GRIK1: variants seen among roughly 807,000 people sequenced by gnomAD.
The protein encoded by GRIK1 is glutamate receptor ionotropic, kainate 1.
A neutral mutation model predicts 105.7 loss-of-function variants in GRIK1; 69 were observed. The ratio of observed to expected loss-of-function variants is 0.65; its 90% confidence interval spans 0.54 to 0.80. The LOEUF (loss-of-function observed/expected upper bound fraction) is 0.80. GRIK1 is among the 30% of genes least tolerant of loss of function. The pLI is 0.00. For synonymous variants in GRIK1, 438 were observed against 431.3 expected, an observed-to-expected ratio of 1.02 and a Z score of -0.19; for missense variants, 1,109 against 1,167.3, an observed-to-expected ratio of 0.95 and a Z score of 0.73.
chr21:29,563,826 T>C (rs2090544733), intron 14 of GRIK1, among the ~76,000 whole-genome samples: 1 of 152,186 alleles, frequency 6.6e-6, no homozygotes, highest in South Asian at 2.1e-4. Flanking sequence ...GAAGTTTTAG[T>C]ACGGAAGGCT....
chr21:29,594,546 C>T (rs1344582851), intron 9 of GRIK1, among the ~76,000 whole-genome samples: 2 of 152,204 alleles, frequency 1.3e-5, no homozygotes, highest in Admixed American at 6.5e-5. Context: ...ATCTAAATTA[C>T]CTGGCCCTGA....
intron 1 of GRIK1, among the ~76,000 whole-genome samples, chr21:29,775,997 T>C (rs1032798970): frequency 2.0e-5 from 3 of 152,162 alleles, no homozygotes; most frequent in African/African-American, 7.2e-5. Flanking sequence ...CCTACAATCA[T>C]GGCGGAAGGT....
intron 4 of GRIK1, among the ~76,000 whole-genome samples, chr21:29,656,245 C>G (rs980668343): frequency 1.3e-5 from 2 of 150,222 alleles, no homozygotes; most frequent in African/African-American, 4.9e-5. Context: ...GCCTGTAATC[C>G]CAGCTACTCA....
chr21:29,588,785 C>T, intron 11 of GRIK1, 54 bp downstream of exon 11: 11 of 945,530 alleles, frequency 1.2e-5, no homozygotes, highest in Middle Eastern at 2.2e-4. Flanking sequence ...ATTTTTTCCT[C>T]TCTTACTTTC....
At chr21:29,863,922 G>T (rs769856049) in intron 1 of GRIK1, among the ~76,000 whole-genome samples, 4 of 151,906 alleles carry the variant, frequency 2.6e-5, no homozygotes, top group African/African-American at 4.8e-5. Context: ...TATTAGTTCG[G>T]TTTTTTCCCT....
chr21:29,747,153 A>G (rs1016016166), intron 1 of GRIK1, among the ~76,000 whole-genome samples: 5 of 152,252 alleles, frequency 3.3e-5, no homozygotes, highest in African/African-American at 1.2e-4. Context: ...AAATAGACAA[A>G]AGAGCTCCCA....
At chr21:29,667,518 A>G (rs1478432995) in intron 4 of GRIK1, among the ~76,000 whole-genome samples, 1 of 152,248 alleles carries the variant, frequency 6.6e-6, no homozygotes, top group East Asian at 1.9e-4. Context: ...AATGCAATAT[A>G]GCTGTACAAA....
chr21:29,578,133 T>C (rs2090939115), intron 13 of GRIK1, among the ~76,000 whole-genome samples: 1 of 152,240 alleles, frequency 6.6e-6, no homozygotes, highest in Non-Finnish European at 1.5e-5. Flanking sequence ...GTTGTACTGA[T>C]TCACAAGTGG....
intron 9 of GRIK1, among the ~76,000 whole-genome samples, chr21:29,591,670 G>T (rs1229644133): frequency 6.6e-6 from 1 of 152,132 alleles, no homozygotes; most frequent in Admixed American, 6.5e-5. Context: ...ACCTTAGGCT[G>T]CCAAAGTAGT....
At chr21:29,587,698 C>CA in intron 11 of GRIK1, 109 bp from the exon 12 acceptor site, 2 of 639,068 alleles carry the variant, frequency 3.1e-6, no homozygotes, top group African/African-American at 3.8e-5. Context: ...GCTTCTCATT[C>CA]ATGAAGCTCC....
At chr21:29,808,780 C>T (rs1048346473) in intron 1 of GRIK1, among the ~76,000 whole-genome samples, 4 of 152,126 alleles carry the variant, frequency 2.6e-5, no homozygotes, top group Non-Finnish European at 5.9e-5. Flanking sequence ...CCTTCCAATG[C>T]CCCCTGCAGT....
In GRIK1 at chr21:29,751,552, G is replaced by A. The variant is rs549959600; in HGVS notation, c.119-57489C>T. Among the ~76,000 whole-genome samples, 6 of 152,302 alleles carry A rather than the reference G, an allele frequency of 3.9e-5. 1 individual carries two copies. The highest frequency in any genetic ancestry group is 1.4e-4 in the African/African-American group (6 of 41,568). The stretch of plus-strand genomic sequence containing the variant: ...ATGGGGAGTGAGCGTGTGTTATTAT[G>A]GAGCCATCTCTTAATGATGTAGTCC... On this transcript the variant is annotated intron_variant, in intron 1 of 17. Transcript: ENST00000327783.
At chr21:29,883,486 T>C (rs1335398440) in intron 1 of GRIK1, among the ~76,000 whole-genome samples, 1 of 152,056 alleles carries the variant, frequency 6.6e-6, no homozygotes, top group Non-Finnish European at 1.5e-5. Context: ...GTTCTTAATA[T>C]CAGCCTCTGA....
intron 1 of GRIK1, among the ~76,000 whole-genome samples, chr21:29,787,976 A>G (rs879421730): frequency 6.6e-6 from 1 of 152,198 alleles, no homozygotes; most frequent in Non-Finnish European, 1.5e-5. Context: ...CTTTGTACGA[A>G]GTTTCTCAAT....
intron 1 of GRIK1, among the ~76,000 whole-genome samples, chr21:29,806,942 G>A (rs2066878325): frequency 6.6e-6 from 1 of 152,162 alleles, no homozygotes; most frequent in African/African-American, 2.4e-5. Flanking sequence ...GAAAGCAAAT[G>A]TGTTTTAATA....
intron 1 of GRIK1, among the ~76,000 whole-genome samples, chr21:29,885,733 G>A (rs2069600382): frequency 6.6e-6 from 1 of 152,096 alleles, no homozygotes; most frequent in Non-Finnish European, 1.5e-5. Flanking sequence ...GCCATCTCAT[G>A]TTAAGCAATA....
At chr21:29,636,131 A>G (rs374666906) in intron 7 of GRIK1, among the ~76,000 whole-genome samples, 16 of 152,284 alleles carry the variant, frequency 1.1e-4, no homozygotes, top group South Asian at 4.1e-4. Flanking sequence ...GTAAACAGGG[A>G]AAGGAGAAAG....
At chr21:29,731,440 C>G (rs556629667) in intron 1 of GRIK1, among the ~76,000 whole-genome samples, 2 of 152,312 alleles carry the variant, frequency 1.3e-5, no homozygotes, top group East Asian at 3.9e-4. Context: ...CAGGATCATA[C>G]TGGTGAAGCC....
intron 1 of GRIK1, among the ~76,000 whole-genome samples, chr21:29,716,173 A>T (rs1293844042): frequency 2.0e-5 from 3 of 152,190 alleles, no homozygotes. Context: ...AGGCCTCCCC[A>T]ACCATGCTGC....
Sources: gnomAD v4.1 joint callset for allele counts (sites outside exome capture counted in the v4.1 genomes callset) on GRCh38, gnomAD v4.1.1 for gene constraint, MANE v1.5 for transcripts, NCBI Gene and HGNC (gene_info 2026-07-23, HGNC 2026-07-21) for gene names.